ZPBP: variants seen among roughly 807,000 people sequenced by gnomAD.
ZPBP encodes the protein zona pellucida binding protein.
In ZPBP, 26 loss-of-function variants were observed where a neutral mutation model predicts 44.8. The ratio of observed to expected loss-of-function variants is 0.58; its 90% CI spans 0.43 to 0.81. ZPBP has a LOEUF of 0.81. Among genes scored for constraint, ZPBP ranks in the 30% least tolerant of loss-of-function variants. ZPBP has a pLI of 0.00. For synonymous variants in ZPBP, 174 were observed against 153.2 expected (o/e 1.14, Z -1.00); for missense variants, 409 against 434.0 (o/e 0.94, Z 0.51).
chr7:49,840,890 T>A, the ZPBP span, among the ~76,000 whole-genome samples: 1 of 152,124 alleles, frequency 6.6e-6, no homozygotes. Context: ...GTCTCAAGTT[T>A]TCTGCCTCTT....
At chr7:50,008,693 C>A (rs184180424) in intron 6 of ZPBP, among the ~76,000 whole-genome samples, 1 of 152,154 alleles carries the variant, frequency 6.6e-6, no homozygotes, top group African/African-American at 2.4e-5. Context: ...GAACAGAATA[C>A]AGAAACCAGA....
chr7:49,937,424 T>C, downstream of ZPBP: 1 of 897,916 alleles, frequency 1.1e-6, no homozygotes, highest in Non-Finnish European at 1.8e-6. Flanking sequence ...GATGACACAT[T>C]TTTTTGTAAA....
At chr7:49,901,081 A>C (rs1792698538) in intron 2 of ZPBP, 1 of 151,936 alleles carries the variant, frequency 6.6e-6, no homozygotes. Context: ...CAACTTGATA[A>C]AGACTATTTA....
At chr7:49,924,348 T>A (rs1562779080) in intron 1 of ZPBP, among the ~76,000 whole-genome samples, 2 of 152,074 alleles carry the variant, frequency 1.3e-5, no homozygotes, top group Non-Finnish European at 2.9e-5. Flanking sequence ...TGCATAATTC[T>A]TCATGAAAAA....
intron 6 of ZPBP, among the ~76,000 whole-genome samples, chr7:49,993,080 A>C (rs1460842764): frequency 1.3e-5 from 2 of 152,132 alleles, no homozygotes; most frequent in African/African-American, 2.4e-5. Context: ...TGCCTGGTAC[A>C]TATGTTAAAA....
chr7:49,948,492 A>ATT (rs200287375), intron 7 of ZPBP, among the ~76,000 whole-genome samples: 1 of 151,008 alleles, frequency 6.6e-6, no homozygotes. Context: ...AGTGGTTAAC[A>ATT]TTTTTTTTTT....
At position 50,040,636 on chromosome 7, in the gene ZPBP, CT is replaced by C. The variant is rs377395676; in HGVS notation, c.488-9327del. ...TGAGGAATGCAGCCCAGACACTACC[CT>C]TTTCCGACAGTCTTCGCAACCTGCA... On this transcript the variant is annotated intron_variant, in intron 4 of 7. Coordinates refer to ENST00000046087, the MANE Select transcript of ZPBP (RefSeq NM_007009.3). Among the ~76,000 whole-genome samples the C allele has an allele frequency of 7.1e-4, 108 of 152,292 alleles. 1 individual carries two copies. Among genetic ancestry groups the C allele is most frequent in the African/African-American group, 2.4e-3 (100 of 41,558 alleles).
chr7:49,940,654 C>CA (rs11288687), intron 7 of ZPBP: 24,596 of 462,416 alleles, frequency 0.053, 31 homozygotes, highest in Non-Finnish European at 0.058. Flanking sequence ...GTTCTGAATC[C>CA]AAAAAAAAAA....
chr7:50,003,931 T>C (rs958782323), intron 6 of ZPBP, among the ~76,000 whole-genome samples: 13 of 152,140 alleles, frequency 8.5e-5, no homozygotes, highest in Non-Finnish European at 8.8e-5. Context: ...TCCCTAAATA[T>C]GCTTAATTAC....
chr7:50,029,517 T>C (rs751119691), intron 5 of ZPBP, among the ~76,000 whole-genome samples: 3 of 152,134 alleles, frequency 2.0e-5, no homozygotes, highest in Non-Finnish European at 4.4e-5. Flanking sequence ...GAGGATATTA[T>C]TAAGAAAGTG....
At chr7:50,076,084 C>T (rs527248502) in intron 3 of ZPBP, among the ~76,000 whole-genome samples, 51 of 151,844 alleles carry the variant, frequency 3.4e-4, no homozygotes, top group African/African-American at 9.4e-4. Context: ...TCCTGTGATG[C>T]GAGGATGGTT....
intron 1 of ZPBP, chr7:49,912,351 A>G: frequency 1.6e-6 from 1 of 642,772 alleles, no homozygotes; most frequent in Non-Finnish European, 2.5e-6. Flanking sequence ...ACAGAAGGAA[A>G]TGGATATATT....
At chr7:49,954,237 C>T (rs1228110926) in intron 7 of ZPBP, among the ~76,000 whole-genome samples, 2 of 152,020 alleles carry the variant, frequency 1.3e-5, no homozygotes, top group Non-Finnish European at 2.9e-5. Flanking sequence ...AAGTGGATTT[C>T]CAACTGCAAA....
intron 7 of ZPBP, among the ~76,000 whole-genome samples, chr7:49,950,475 A>T (rs1795292575): frequency 6.6e-6 from 1 of 151,856 alleles, no homozygotes; most frequent in African/African-American, 2.4e-5. Flanking sequence ...TAACAAAAAT[A>T]AAAACAATGA....
chr7:49,952,705 CTAT>C (rs1795399478), intron 7 of ZPBP, among the ~76,000 whole-genome samples: 2 of 151,876 alleles, frequency 1.3e-5, no homozygotes, highest in Non-Finnish European at 2.9e-5. Context: ...AACTAAGAAA[CTAT>C]CTTTCGAAAC....
At chr7:50,048,689 C>T (rs144529193) in intron 4 of ZPBP, among the ~76,000 whole-genome samples, 197 of 151,428 alleles carry the variant, frequency 1.3e-3, no homozygotes, top group African/African-American at 4.3e-3. Context: ...TAAGACAGCA[C>T]GTAGAGGGAA....
At chr7:50,026,962 T>C (rs1023669613) in intron 5 of ZPBP, among the ~76,000 whole-genome samples, 3 of 151,994 alleles carry the variant, frequency 2.0e-5, no homozygotes, top group Non-Finnish European at 4.4e-5. Context: ...ATAGTCAACC[T>C]TTCAATAGAC....
chr7:49,857,611 A>C (rs1790478002), intron 2 of ZPBP, among the ~76,000 whole-genome samples: 1 of 152,188 alleles, frequency 6.6e-6, no homozygotes, highest in African/African-American at 2.4e-5. Flanking sequence ...ATTACCTCAC[A>C]ACTGTCAAAA....
intron 7 of ZPBP, among the ~76,000 whole-genome samples, chr7:49,966,469 A>G (rs1377163803): frequency 6.6e-6 from 1 of 152,188 alleles, no homozygotes; most frequent in Non-Finnish European, 1.5e-5. Context: ...CAATAAATTA[A>G]AAGTGTTTAG....
Sources: gnomAD v4.1 joint callset for allele counts (sites outside exome capture counted in the v4.1 genomes callset) on GRCh38, gnomAD v4.1.1 for gene constraint, MANE v1.5 for transcripts, NCBI Gene and HGNC (gene_info 2026-07-23, HGNC 2026-07-21) for gene names.